Variants in NELL1 observed in about 807,000 individuals in gnomAD.
The protein encoded by NELL1 is protein kinase C-binding protein NELL1.
A neutral mutation model predicts 107.4 loss-of-function variants in NELL1; 76 were observed. The ratio of observed to expected loss-of-function variants is 0.71; its 90% CI spans 0.59 to 0.86. The LOEUF is 0.86. Ranked by LOEUF, NELL1 falls within the 40% of genes least tolerant of loss-of-function variation. The pLI, the probability that NELL1 is intolerant of heterozygous loss-of-function variation, is 0.00. For synonymous variants in NELL1, 353 were observed against 341.2 expected (o/e 1.03, Z -0.38); for missense variants, 1,024 against 1,005.5 (o/e 1.02, Z -0.25).
chr11:21,185,241 T>G lies in NELL1; in HGVS notation c.1427-44091T>G, dbSNP rs183640918. ...CAGCCCAAATCACATTTGTTTCTAT[T>G]TTGAATTCTTTATAATTTGACTAGG... On this transcript the variant is annotated intron_variant, in intron 13 of 19. Coordinates refer to ENST00000357134, the MANE Select transcript of NELL1 (RefSeq NM_006157.5). Among the ~76,000 whole-genome samples the G allele has an allele frequency of 4.0e-3, 612 of 151,922 alleles. 5 individuals are homozygous for G. The highest frequency in any genetic ancestry group is 0.033 in the South Asian group (159 of 4,830).
At chr11:21,434,754 A>G (rs1479032550) in intron 15 of NELL1, among the ~76,000 whole-genome samples, 1 of 151,966 alleles carries the variant, frequency 6.6e-6, no homozygotes, top group Admixed American at 6.6e-5. Flanking sequence ...TGGTATTTTG[A>G]TGGGTATTGC....
At chr11:21,094,520 G>A (rs2090400) in intron 12 of NELL1, among the ~76,000 whole-genome samples, 25,509 of 152,206 alleles carry the variant, frequency 0.17, 2,480 homozygotes, top group South Asian at 0.34. Context: ...CTTCCACACC[G>A]CCCTAGCAGA....
At chr11:21,090,509 G>A (rs1590626697) in intron 12 of NELL1, among the ~76,000 whole-genome samples, 1 of 152,106 alleles carries the variant, frequency 6.6e-6, no homozygotes, top group East Asian at 1.9e-4. Context: ...TGGGGTCAGG[G>A]GTTTGAGATT....
chr11:21,104,649 T>G (rs1351124265), intron 12 of NELL1, among the ~76,000 whole-genome samples: 1 of 152,226 alleles, frequency 6.6e-6, no homozygotes, highest in Non-Finnish European at 1.5e-5. Flanking sequence ...TCTGAAAATA[T>G]TTGATCTGGT....
At chr11:21,043,242 G>A (rs111491932) in intron 12 of NELL1, among the ~76,000 whole-genome samples, 3,594 of 152,152 alleles carry the variant, frequency 0.024, 154 homozygotes, top group African/African-American at 0.08. Context: ...AGGCATCTGT[G>A]TTCATTGCAG....
intron 13 of NELL1, among the ~76,000 whole-genome samples, chr11:21,177,453 A>G (rs557254490): frequency 6.6e-6 from 1 of 151,782 alleles, no homozygotes; most frequent in Non-Finnish European, 1.5e-5. Flanking sequence ...TTACTTGTTT[A>G]AGGCCGAAGA....
At chr11:21,079,787 C>A (rs1447224508) in intron 12 of NELL1, among the ~76,000 whole-genome samples, 1 of 152,050 alleles carries the variant, frequency 6.6e-6, no homozygotes, top group Non-Finnish European at 1.5e-5. Context: ...TGCTCTATAG[C>A]ACTGCCTAGA....
At chr11:20,718,888 C>T (rs968634492) in intron 2 of NELL1, among the ~76,000 whole-genome samples, 3 of 152,050 alleles carry the variant, frequency 2.0e-5, no homozygotes, top group Non-Finnish European at 2.9e-5. Context: ...GTAGCTAGTA[C>T]CAAGGGCTGA....
chr11:21,559,464 G>A (rs925072834), intron 16 of NELL1, among the ~76,000 whole-genome samples: 3 of 152,054 alleles, frequency 2.0e-5, no homozygotes, highest in Non-Finnish European at 2.9e-5. Flanking sequence ...AGAATCGGCC[G>A]ACTGGATTTA....
intron 13 of NELL1, among the ~76,000 whole-genome samples, chr11:21,181,626 A>G (rs997794299): frequency 6.6e-6 from 1 of 151,930 alleles, no homozygotes; most frequent in Admixed American, 6.5e-5. Flanking sequence ...TCTCTGAACT[A>G]TACATTCAGT....
chr11:21,520,147 T>G (rs1234223956), intron 15 of NELL1, among the ~76,000 whole-genome samples: 1 of 152,128 alleles, frequency 6.6e-6, no homozygotes, highest in African/African-American at 2.4e-5. Flanking sequence ...TCTCACAATA[T>G]GCCGTAGGAC....
At chr11:21,022,497 G>A (rs750935938) in intron 12 of NELL1, among the ~76,000 whole-genome samples, 1 of 152,080 alleles carries the variant, frequency 6.6e-6, no homozygotes, top group African/African-American at 2.4e-5. Context: ...CTTGAAAATG[G>A]GACTAAGTCC....
intron 13 of NELL1, among the ~76,000 whole-genome samples, chr11:21,127,446 T>C (rs1855510831): frequency 6.6e-6 from 1 of 151,882 alleles, no homozygotes; most frequent in South Asian, 2.1e-4. Flanking sequence ...GAAAAAAATT[T>C]AAAAAATTAG....
intron 15 of NELL1, among the ~76,000 whole-genome samples, chr11:21,400,280 T>C (rs74675900): frequency 0.012 from 1,878 of 151,898 alleles, 25 homozygotes; most frequent in East Asian, 0.065. Flanking sequence ...TTGTTGTTGT[T>C]TGCATTCTAT....
rs563686827 is a variant in NELL1, at chr11:20,938,474, T to C, written c.1071+615T>C. ...CAGTAAGAATTAAACAAACGTATAA[T>C]ATAATGCCAAATTCTATAAAAGTAT... is the stretch of plus-strand genomic sequence containing the variant. On this transcript the variant is annotated intron_variant, in intron 10 of 19. Coordinates refer to ENST00000357134, the MANE Select transcript of NELL1 (RefSeq NM_006157.5). 2.6e-5 allele frequency among the ~76,000 whole-genome samples: 4 copies of C among 152,202 alleles called. No homozygotes were observed. The South Asian group carries it at 6.2e-4, about 24-fold the overall frequency.
intron 4 of NELL1, among the ~76,000 whole-genome samples, chr11:20,866,258 T>C (rs1426081937): frequency 6.6e-6 from 1 of 152,118 alleles, no homozygotes; most frequent in South Asian, 2.1e-4. Flanking sequence ...GCACAGCCAA[T>C]GAGAAGCACA....
chr11:21,220,614 TG>T (rs1185475853), intron 13 of NELL1, among the ~76,000 whole-genome samples: 3 of 152,020 alleles, frequency 2.0e-5, no homozygotes, highest in Admixed American at 6.5e-5. Flanking sequence ...TATTCCTAGG[TG>T]TTTTTTTTGT....
intron 16 of NELL1, among the ~76,000 whole-genome samples, chr11:21,545,396 G>C (rs567429551): frequency 5.3e-5 from 8 of 151,962 alleles, no homozygotes; most frequent in Non-Finnish European, 8.8e-5. Flanking sequence ...GGCCTGGTGG[G>C]AGTGCTGAGA....
chr11:21,168,562 A>G (rs750084150), intron 13 of NELL1, among the ~76,000 whole-genome samples: 1 of 151,752 alleles, frequency 6.6e-6, no homozygotes, highest in African/African-American at 2.4e-5. Context: ...TCATCCATTA[A>G]CATGGTCCAG....
Sources: gnomAD v4.1 joint callset for allele counts (sites outside exome capture counted in the v4.1 genomes callset) on GRCh38, gnomAD v4.1.1 for gene constraint, MANE v1.5 for transcripts, NCBI Gene and HGNC (gene_info 2026-07-23, HGNC 2026-07-21) for gene names.